Variants in STX8 observed in about 807,000 individuals in gnomAD.
STX8 encodes syntaxin 8, also known as syntaxin-8.
STX8 carries 23 observed loss-of-function variants against 37.5 expected under a neutral mutation model. That is an observed-to-expected ratio of 0.61 (90% CI 0.44 to 0.87). The LOEUF is 0.87. Ranked by LOEUF, STX8 falls within the 40% of genes least tolerant of loss-of-function variation. The pLI, the probability that STX8 is intolerant of heterozygous loss-of-function variation, is 0.00. For missense variants in STX8, 313 were observed against 284.7 expected (o/e 1.10, Z -0.71); for synonymous variants, 115 against 99.1 (o/e 1.16, Z -0.95).
intron 7 of STX8, among the ~76,000 whole-genome samples, chr17:9,292,601 C>A (rs905013503): frequency 2.4e-4 from 36 of 152,160 alleles, no homozygotes; most frequent in Non-Finnish European, 1.2e-4. Context: ...TATTCTGAGG[C>A]CTACAGGAAG....
chr17:9,293,259 T>C (rs2108944), intron 7 of STX8, among the ~76,000 whole-genome samples: 73,801 of 152,024 alleles, frequency 0.49, 18,327 homozygotes, highest in Non-Finnish European at 0.53. Context: ...TGAATACTTC[T>C]AGTTTCTAGG....
At position 9,414,839 on chromosome 17, in the gene STX8, G is replaced by A. The variant is rs115776860; in HGVS notation, c.542-36186C>T. 4.2e-3 allele frequency among the ~76,000 whole-genome samples: 594 copies of A among 140,110 alleles called. 5 individuals carry two copies. The highest frequency in any genetic ancestry group is 0.015 in the African/African-American group (572 of 37,566). 91.9% of individuals were successfully genotyped at this position (140,110 alleles called of 152,430 possible). On this transcript the variant is annotated intron_variant, in intron 6 of 7. Transcript: ENST00000306357. The stretch of plus-strand genomic sequence containing the variant: ...GAGTTTCTCTCTTGTCATCCAGGCC[G>A]GAGTGCAGTGGCACCATCTTGGCTC...
intron 6 of STX8, among the ~76,000 whole-genome samples, chr17:9,391,073 A>C (rs1263283744): frequency 6.6e-6 from 1 of 152,284 alleles, no homozygotes; most frequent in East Asian, 1.9e-4. Flanking sequence ...ATAGGAAAAC[A>C]ACCTACACAG....
chr17:9,286,952 G>A (rs189637308), intron 7 of STX8, among the ~76,000 whole-genome samples: 2 of 152,252 alleles, frequency 1.3e-5, no homozygotes, highest in East Asian at 1.9e-4. Context: ...TCTGTGATAT[G>A]GGAATGACAT....
chr17:9,253,160 T>C (rs538969389), intron 7 of STX8, among the ~76,000 whole-genome samples: 1 of 151,658 alleles, frequency 6.6e-6, no homozygotes, highest in Non-Finnish European at 1.5e-5. Context: ...AGTTACACTA[T>C]TTTACCTCAC....
chr17:9,557,384 C>T (rs942210507), intron 3 of STX8, 50 bp downstream of exon 3: 1 of 1,513,676 alleles, frequency 6.6e-7, no homozygotes, highest in South Asian at 1.1e-5. Flanking sequence ...TAAAATACGA[C>T]TGCTTTTCCT....
At chr17:9,380,591 C>T (rs1911764299) in intron 6 of STX8, among the ~76,000 whole-genome samples, 1 of 151,630 alleles carries the variant, frequency 6.6e-6, no homozygotes, top group Non-Finnish European at 1.5e-5. Flanking sequence ...TCATGTGCCA[C>T]ATGACATTTC....
chr17:9,380,935 G>A (rs1011798019), intron 6 of STX8, among the ~76,000 whole-genome samples: 33 of 151,718 alleles, frequency 2.2e-4, no homozygotes, highest in African/African-American at 8.0e-4. Context: ...GGCTGGTCTC[G>A]AACTCCTGAC....
intron 7 of STX8, among the ~76,000 whole-genome samples, chr17:9,298,354 G>GA (rs1376373110): frequency 6.6e-6 from 1 of 152,210 alleles, no homozygotes; most frequent in Non-Finnish European, 1.5e-5. Flanking sequence ...ACAGGCACAG[G>GA]AGAGTTCCTG....
chr17:9,509,324 T>C (rs1300129580), intron 4 of STX8, among the ~76,000 whole-genome samples: 1 of 151,968 alleles, frequency 6.6e-6, no homozygotes, highest in East Asian at 1.9e-4. Flanking sequence ...GGAGTTCCCA[T>C]TAGACTAATA....
intron 4 of STX8, among the ~76,000 whole-genome samples, chr17:9,516,054 T>C (rs1905148045): frequency 6.6e-6 from 1 of 152,016 alleles, no homozygotes; most frequent in Non-Finnish European, 1.5e-5. Context: ...CATGGTTTAC[T>C]GCAAATGCAA....
intron 6 of STX8, among the ~76,000 whole-genome samples, chr17:9,382,332 T>C (rs1201715394): frequency 2.6e-5 from 4 of 152,184 alleles, no homozygotes; most frequent in African/African-American, 9.7e-5. Context: ...AGAAATACAA[T>C]ATCTATCTGG....
intron 7 of STX8, among the ~76,000 whole-genome samples, chr17:9,356,322 A>C (rs1378904385): frequency 6.6e-6 from 1 of 152,236 alleles, no homozygotes; most frequent in Non-Finnish European, 1.5e-5. Context: ...GAGAATACAT[A>C]AAAACCTTTT....
chr17:9,393,249 C>T (rs997334171), intron 6 of STX8, among the ~76,000 whole-genome samples: 5 of 152,132 alleles, frequency 3.3e-5, no homozygotes, highest in Middle Eastern at 3.2e-3. Context: ...ATTCTATAAC[C>T]AGCAAAACTA....
chr17:9,525,604 C>G (rs979933903), intron 4 of STX8, among the ~76,000 whole-genome samples: 1 of 152,170 alleles, frequency 6.6e-6, no homozygotes, highest in South Asian at 2.1e-4. Context: ...CCTCAGCCTC[C>G]CAAAGTGCTG....
chr17:9,256,811 T>C (rs1441113982), intron 7 of STX8, among the ~76,000 whole-genome samples: 1 of 152,164 alleles, frequency 6.6e-6, no homozygotes, highest in African/African-American at 2.4e-5. Flanking sequence ...TCGTACTCGG[T>C]CACGTGTGAA....
intron 6 of STX8, among the ~76,000 whole-genome samples, chr17:9,412,836 TGATAAA>T (rs1283599133): frequency 1.3e-5 from 2 of 152,084 alleles, no homozygotes; most frequent in African/African-American, 4.8e-5. Context: ...TGATAGAAGA[TGATAAA>T]AATAGGTTGA....
intron 6 of STX8, among the ~76,000 whole-genome samples, chr17:9,488,882 G>A (rs1236554295): frequency 6.6e-6 from 1 of 152,018 alleles, no homozygotes; most frequent in Non-Finnish European, 1.5e-5. Flanking sequence ...GTGTGTGTGT[G>A]TGTGTGTGTT....
At chr17:9,472,293 T>C (rs1905904190) in intron 6 of STX8, among the ~76,000 whole-genome samples, 1 of 152,170 alleles carries the variant, frequency 6.6e-6, no homozygotes, top group African/African-American at 2.4e-5. Flanking sequence ...AGTCAAACCT[T>C]TTGCCACTTT....
Sources: gnomAD v4.1 joint callset for allele counts (sites outside exome capture counted in the v4.1 genomes callset) on GRCh38, gnomAD v4.1.1 for gene constraint, MANE v1.5 for transcripts, NCBI Gene and HGNC (gene_info 2026-07-23, HGNC 2026-07-21) for gene names.